The following ZFHX3 variants were observed in gnomAD, a reference collection of about 807,000 sequenced individuals.
ZFHX3 encodes the protein zinc finger homeobox 3.
Under a neutral mutation model 279.1 loss-of-function variants are expected in ZFHX3, and 42 were observed. That is an observed-to-expected ratio of 0.15 (90% CI 0.12 to 0.19). ZFHX3 has a LOEUF of 0.19. Ranked by LOEUF, ZFHX3 falls within the 10% of genes least tolerant of loss-of-function variation. The pLI, the probability that ZFHX3 is intolerant of heterozygous loss-of-function variation, is 1.00. For missense variants in ZFHX3, 4,981 were observed against 4,754.0 expected, an observed-to-expected ratio of 1.05 and a Z score of -1.40; for synonymous variants, 2,293 against 1,957.8, an observed-to-expected ratio of 1.17 and a Z score of -4.52.
chr16:73,100,900 T>A (rs1966223097), intron 7 of ZFHX3, among the ~76,000 whole-genome samples: 1 of 152,104 alleles, frequency 6.6e-6, no homozygotes, highest in Non-Finnish European at 1.5e-5. Flanking sequence ...CCCAGCCAAT[T>A]TCCAGGATTC....
intron 3 of ZFHX3, among the ~76,000 whole-genome samples, chr16:73,365,496 C>T (rs1408637258): frequency 6.6e-6 from 1 of 152,184 alleles, no homozygotes; most frequent in East Asian, 1.9e-4. Context: ...AATAATATCT[C>T]ATTAATCCCT....
At chr16:73,787,971 G>T (rs1959704039) in intron 1 of ZFHX3, among the ~76,000 whole-genome samples, 1 of 152,108 alleles carries the variant, frequency 6.6e-6, no homozygotes, top group South Asian at 2.1e-4. Flanking sequence ...GGTAGCTGAA[G>T]AGAGTTTAAC....
intron 5 of ZFHX3, among the ~76,000 whole-genome samples, chr16:73,216,401 G>C (rs1365418870): frequency 1.3e-5 from 2 of 152,170 alleles, no homozygotes; most frequent in African/African-American, 4.8e-5. Context: ...CCCGTCCTCT[G>C]GGTTTCCAGA....
chr16:73,855,720 C>T (rs1408189561), intron 1 of ZFHX3, among the ~76,000 whole-genome samples: 3 of 152,130 alleles, frequency 2.0e-5, no homozygotes, highest in African/African-American at 7.2e-5. Context: ...AACTAAACTT[C>T]CCAAATAAGC....
chr16:73,705,367 C>CAGGGTGAG (rs1205136503), intron 1 of ZFHX3, among the ~76,000 whole-genome samples: 3 of 152,058 alleles, frequency 2.0e-5, no homozygotes, highest in Admixed American at 1.3e-4. Flanking sequence ...ACTTCTGGTC[C>CAGGGTGAG]AGGGTGAGAG....
At chr16:73,325,918 CACACACACAA>C (rs965554070) in intron 3 of ZFHX3, among the ~76,000 whole-genome samples, 1 of 66,620 alleles carries the variant, frequency 1.5e-5, no homozygotes, top group East Asian at 3.4e-4. Context: ...CACACACACA[CACACACACAA>C]ACACACACAC....
At chr16:73,141,662 C>T (rs545208211) in intron 6 of ZFHX3, among the ~76,000 whole-genome samples, 12 of 152,194 alleles carry the variant, frequency 7.9e-5, no homozygotes, top group East Asian at 5.8e-4. Context: ...CCTCCCAAAG[C>T]GTTGGGATTA....
intron 1 of ZFHX3, among the ~76,000 whole-genome samples, chr16:73,032,503 C>G (rs1232131460): frequency 6.6e-6 from 1 of 152,134 alleles, no homozygotes; most frequent in Non-Finnish European, 1.5e-5. Flanking sequence ...TCAGACTTCA[C>G]GAGCGCATGC....
rs147516462 is a variant in ZFHX3, at chr16:73,486,226, G to A, written c.-1546-29968C>T. Among the ~76,000 whole-genome samples the A allele has an allele frequency of 5.2e-3, 792 of 152,206 alleles. 3 individuals are homozygous for A. The highest frequency in any genetic ancestry group is 0.02 in the Middle Eastern group (6 of 294). On this transcript the variant is annotated intron_variant, in intron 2 of 17. Coordinates refer to the ZFHX3 transcript ENST00000641206. The stretch of plus-strand genomic sequence containing the variant: ...CTCTCCATTTACACAGGGCATACAC[G>A]GAGTAAATGACTTTGTAACTTTACT...
Position 73,748,211 on chromosome 16 carries a change from A to T in ZFHX3, c.-1607-67971T>A, listed in dbSNP as rs1193301133. Among the ~76,000 whole-genome samples the T allele has an allele frequency of 2.0e-5, 3 of 152,208 alleles. No homozygotes were observed. The South Asian group carries it at 6.2e-4, about 31-fold the overall frequency. ...AATATGCAAAAATAATAATATTTATAAGGTAGAGATACTGACAATTATTAA... is the reference window on the plus strand; with the variant it reads ...AATATGCAAAAATAATAATATTTATTAGGTAGAGATACTGACAATTATTAA... On this transcript the variant is annotated intron_variant, in intron 1 of 17. Transcript: ENST00000641206.
Position 73,281,455 on chromosome 16 carries a change from G to T in ZFHX3, c.-1193-24319C>A, listed in dbSNP as rs559651330. ...AGAGAGTAGCATGGTGGTTGCAGGGGCTGGGGGAAGGGGAAGACTGGGAAG... is the reference window on the plus strand; with the variant it reads ...AGAGAGTAGCATGGTGGTTGCAGGGTCTGGGGGAAGGGGAAGACTGGGAAG... On this transcript the variant is annotated intron_variant, in intron 4 of 17. Coordinates refer to the ZFHX3 transcript ENST00000641206. Among the ~76,000 whole-genome samples the T allele has an allele frequency of 3.3e-5, 5 of 152,340 alleles. No individual in the cohort carries two copies. The South Asian group carries it at 6.2e-4, about 19-fold the overall frequency.
intron 4 of ZFHX3, among the ~76,000 whole-genome samples, chr16:72,870,697 G>A (rs1334596874): frequency 2.6e-5 from 3 of 116,582 alleles, no homozygotes; most frequent in East Asian, 5.0e-4. Context: ...CAGCCTGGGC[G>A]ACAGAGCAAG....
intron 5 of ZFHX3, among the ~76,000 whole-genome samples, chr16:72,820,957 G>C (rs1049186054): frequency 2.6e-5 from 4 of 152,080 alleles, no homozygotes; most frequent in Non-Finnish European, 5.9e-5. Context: ...AGGTTAGTTA[G>C]GGTCTTTGAG....
intron 1 of ZFHX3, among the ~76,000 whole-genome samples, chr16:73,835,376 C>T (rs1961111519): frequency 2.0e-5 from 3 of 151,332 alleles, no homozygotes; most frequent in African/African-American, 7.3e-5. Flanking sequence ...CCTTTTCCCA[C>T]CGTCCCTCTT....
At chr16:73,070,938 G>GCGCACA (rs1213455130) in intron 8 of ZFHX3, among the ~76,000 whole-genome samples, 91 of 22,614 alleles carry the variant, frequency 4.0e-3, no homozygotes, top group African/African-American at 7.3e-3. Flanking sequence ...GCGCGCGCGC[G>GCGCACA]CACACACACA....
At chr16:73,708,550 G>A (rs1207101933) in intron 1 of ZFHX3, among the ~76,000 whole-genome samples, 1 of 152,182 alleles carries the variant, frequency 6.6e-6, no homozygotes, top group Non-Finnish European at 1.5e-5. Flanking sequence ...TAAGTAGTAG[G>A]ATTACCATCA....
intron 1 of ZFHX3, among the ~76,000 whole-genome samples, chr16:73,727,280 G>C (rs939933746): frequency 6.6e-6 from 1 of 152,190 alleles, no homozygotes; most frequent in African/African-American, 2.4e-5. Flanking sequence ...GAGACAGCAG[G>C]CATACTGGGG....
At chr16:73,119,558 G>C (rs1002301047) in intron 7 of ZFHX3, among the ~76,000 whole-genome samples, 31 of 152,340 alleles carry the variant, frequency 2.0e-4, no homozygotes, top group African/African-American at 7.2e-4. Context: ...CTGAGCGCTT[G>C]GACCAACCAG....
intron 5 of ZFHX3, among the ~76,000 whole-genome samples, chr16:73,191,132 G>A (rs899835911): frequency 1.3e-5 from 2 of 152,088 alleles, no homozygotes; most frequent in Admixed American, 1.3e-4. Flanking sequence ...TGCAGGAGCT[G>A]TTTCATCAGG....
Sources: gnomAD v4.1 joint callset for allele counts (sites outside exome capture counted in the v4.1 genomes callset) on GRCh38, gnomAD v4.1.1 for gene constraint, MANE v1.5 for transcripts, NCBI Gene and HGNC (gene_info 2026-07-23, HGNC 2026-07-21) for gene names.